CDH13: variants seen among roughly 807,000 people sequenced by gnomAD.
CDH13 encodes cadherin-13.
Under a neutral mutation model 63.8 loss-of-function variants are expected in CDH13, and 24 were observed. The ratio of observed to expected loss-of-function variants is 0.38; its 90% CI spans 0.27 to 0.53. The LOEUF is 0.53. Among genes scored for constraint, CDH13 ranks in the 20% least tolerant of loss-of-function variants. CDH13 has a pLI of 0.85. For synonymous variants in CDH13, 503 were observed against 355.3 expected (o/e 1.42, Z -4.67); for missense variants, 1,049 against 903.1 (o/e 1.16, Z -2.07).
chr16:83,665,707 A>C (rs1343359180), intron 8 of CDH13, among the ~76,000 whole-genome samples: 1 of 152,196 alleles, frequency 6.6e-6, no homozygotes, highest in Non-Finnish European at 1.5e-5. Context: ...GCAACTAGTC[A>C]AGCATGCAAG....
At chr16:82,768,283 A>G (rs1042444331) in intron 1 of CDH13, among the ~76,000 whole-genome samples, 1 of 152,178 alleles carries the variant, frequency 6.6e-6, no homozygotes, top group East Asian at 1.9e-4. Flanking sequence ...GTGCTGATAG[A>G]TACCTGCTAG....
At chr16:83,452,886 A>G (rs918970365) in intron 6 of CDH13, among the ~76,000 whole-genome samples, 37 of 152,312 alleles carry the variant, frequency 2.4e-4, no homozygotes, top group African/African-American at 8.9e-4. Flanking sequence ...CTTTTGTTCC[A>G]GGAACACCAG....
intron 2 of CDH13, among the ~76,000 whole-genome samples, chr16:82,940,712 T>G (rs763888298): frequency 6.6e-6 from 1 of 152,164 alleles, no homozygotes; most frequent in Non-Finnish European, 1.5e-5. Flanking sequence ...TGATTACCAA[T>G]CAGTGCTGTG....
At chr16:83,218,962 A>G (rs2039618143) in intron 5 of CDH13, among the ~76,000 whole-genome samples, 1 of 152,086 alleles carries the variant, frequency 6.6e-6, no homozygotes, top group South Asian at 2.1e-4. Context: ...TTCTTCCTCC[A>G]TCTTCTGCCA....
intron 7 of CDH13, among the ~76,000 whole-genome samples, chr16:83,519,800 G>A (rs577922594): frequency 1.2e-4 from 18 of 152,242 alleles, no homozygotes; most frequent in African/African-American, 3.4e-4. Context: ...TGTGAATGGT[G>A]GGGGGAACAA....
intron 3 of CDH13, among the ~76,000 whole-genome samples, chr16:83,044,176 T>TA (rs147528660): frequency 0.049 from 7,451 of 152,290 alleles, 247 homozygotes; most frequent in Non-Finnish European, 0.07. Flanking sequence ...GATGCAGAAG[T>TA]AGCTCAGGCT....
intron 7 of CDH13, among the ~76,000 whole-genome samples, chr16:83,512,909 G>C (rs2074607123): frequency 6.6e-6 from 1 of 151,924 alleles, no homozygotes; most frequent in Non-Finnish European, 1.5e-5. Flanking sequence ...TCTAGATGAT[G>C]CCAAGCCACA....
chr16:82,671,136 G>A (rs1160558778), intron 1 of CDH13, among the ~76,000 whole-genome samples: 2 of 152,176 alleles, frequency 1.3e-5, no homozygotes, highest in East Asian at 1.9e-4. Flanking sequence ...TTGAATACAA[G>A]TCTGTGCAGT....
At chr16:83,405,820 G>A (rs1023303002) in intron 6 of CDH13, among the ~76,000 whole-genome samples, 1 of 152,214 alleles carries the variant, frequency 6.6e-6, no homozygotes, top group African/African-American at 2.4e-5. Flanking sequence ...AGAGGCTGTG[G>A]TTGGTATCAC....
chr16:83,518,285 A>C (rs1399313214), intron 7 of CDH13, among the ~76,000 whole-genome samples: 1 of 151,824 alleles, frequency 6.6e-6, no homozygotes, highest in African/African-American at 2.4e-5. Context: ...CTGGGACTAC[A>C]GGCACATGCC....
At chr16:83,401,851 C>A (rs1188583833) in intron 6 of CDH13, among the ~76,000 whole-genome samples, 2 of 152,124 alleles carry the variant, frequency 1.3e-5, no homozygotes, top group Non-Finnish European at 2.9e-5. Context: ...GAGCCAAGAA[C>A]CTAGCTCTTT....
intron 5 of CDH13, among the ~76,000 whole-genome samples, chr16:83,266,763 G>C (rs1907672411): frequency 6.6e-6 from 1 of 152,126 alleles, no homozygotes; most frequent in Admixed American, 6.5e-5. Context: ...CCTCATTCAT[G>C]GAGGCTTATG....
chr16:83,772,253 G>A (rs893007417), intron 11 of CDH13, among the ~76,000 whole-genome samples: 2 of 152,112 alleles, frequency 1.3e-5, no homozygotes, highest in African/African-American at 2.4e-5. Flanking sequence ...ACTGGCTAAA[G>A]TCAGGTTAGC....
intron 4 of CDH13, among the ~76,000 whole-genome samples, chr16:83,143,198 A>T (rs2036610441): frequency 6.6e-6 from 1 of 152,226 alleles, no homozygotes. Flanking sequence ...TGTGATGAAT[A>T]AAAAATATTT....
chr16:83,458,546 C>G (rs575153783), intron 6 of CDH13, among the ~76,000 whole-genome samples: 147 of 152,284 alleles, frequency 9.7e-4, no homozygotes, highest in African/African-American at 3.3e-3. Flanking sequence ...CTCATCTCCC[C>G]CCACTACAAA....
At chr16:83,530,061 C>T (rs1044643712) in intron 7 of CDH13, among the ~76,000 whole-genome samples, 2 of 152,064 alleles carry the variant, frequency 1.3e-5, no homozygotes, top group Non-Finnish European at 1.5e-5. Flanking sequence ...AGCATGTTCT[C>T]TGAAGATTAT....
At chr16:82,994,865 T>A (rs937062877) in intron 2 of CDH13, among the ~76,000 whole-genome samples, 5 of 152,194 alleles carry the variant, frequency 3.3e-5, no homozygotes, top group African/African-American at 1.2e-4. Context: ...AGAATAACTT[T>A]GGACATAGAG....
chr16:83,581,754 G>T (rs1175626065), intron 7 of CDH13, among the ~76,000 whole-genome samples: 1 of 152,206 alleles, frequency 6.6e-6, no homozygotes, highest in African/African-American at 2.4e-5. Context: ...AGGAGTTCAA[G>T]GCTGCAATGA....
intron 10 of CDH13, among the ~76,000 whole-genome samples, chr16:83,684,485 C>G (rs968942916): frequency 1.3e-5 from 2 of 152,178 alleles, no homozygotes; most frequent in East Asian, 3.8e-4. Context: ...CCATCAGATC[C>G]CTGATTTGGT....
Sources: gnomAD v4.1 joint callset for allele counts (sites outside exome capture counted in the v4.1 genomes callset) on GRCh38, gnomAD v4.1.1 for gene constraint, MANE v1.5 for transcripts, NCBI Gene and HGNC (gene_info 2026-07-23, HGNC 2026-07-21) for gene names.